DDX11: variants seen among roughly 807,000 people sequenced by gnomAD.
DDX11 encodes the protein ATP-dependent DNA helicase DDX11.
DDX11 carries 72 observed loss-of-function variants against 125.2 expected under a neutral mutation model. The observed-to-expected ratio is 0.58, with a 90% CI of 0.48 to 0.70. The LOEUF is 0.70. DDX11 is among the 30% of genes least tolerant of loss of function. DDX11 has a pLI of 0.00. For synonymous variants in DDX11, 347 were observed against 452.6 expected (o/e 0.77, Z 2.96); for missense variants, 883 against 1,165.0 (o/e 0.76, Z 3.52).
At position 31,101,032 on chromosome 12, in the gene DDX11, G is replaced by A. The variant is rs760250735; in HGVS notation, c.1954G>A (p.Val652Met). The change falls in exon 20 of 27, where the codon GTG becomes ATG. Residue 652 changes from valine (V) to methionine (M), a missense_variant. Coordinates refer to ENST00000542838, the MANE Select transcript of DDX11 (RefSeq NM_030653.4). ...ERVVEFSCGH[V>M]IPPDNILPLV... The stretch of plus-strand genomic sequence containing the variant: ...CCCTCCCTGGCTCTTACCAGGTCAC[G>A]TGATCCCTCCAGACAACATCCTGCC... 10 of 1,613,954 alleles carry A rather than the reference G, an allele frequency of 6.2e-6. No individual in the cohort carries two copies. Among genetic ancestry groups the A allele is most frequent in the Admixed American group, 3.3e-5 (2 of 60,028 alleles).
chr12:31,074,481 A>T (rs1461464996), intron 1 of DDX11, among the ~76,000 whole-genome samples: 2 of 152,182 alleles, frequency 1.3e-5, no homozygotes, highest in Non-Finnish European at 2.9e-5. Context: ...CCAGGGCGGG[A>T]ATCGAGGCGG....
Position 31,078,495 on chromosome 12 carries a change from G to C in DDX11, c.102G>C (p.Leu34Phe). Residue 34 changes from leucine (L) to phenylalanine (F), a missense_variant, in exon 2 of 27, where the codon TTG (leucine) becomes TTC (phenylalanine). Physicochemically the swap from Leu to Phe is conservative, Grantham distance 22. Around this residue, in one of 5 missense-constraint regions of DDX11, gnomAD observed 283 missense variants for 359.6 expected, o/e 0.79. Coordinates refer to ENST00000542838, the MANE Select transcript of DDX11 (RefSeq NM_030653.4). ...TCATGGCAGAGCTGTACCGGGTTTT[G>C]GAGGCTGGCAAGATTGGGATATTTG... ...EDFMAELYRV[L>F]EAGKIGIFES... 6.2e-7 allele frequency: 1 copy of C among 1,611,746 alleles called. No homozygotes were observed.
chr12:31,094,123 C>T (rs1446995776), intron 12 of DDX11, among the ~76,000 whole-genome samples: 1 of 152,220 alleles, frequency 6.6e-6, no homozygotes, highest in African/African-American at 2.4e-5. Context: ...TGTCACGTCC[C>T]CTTCTTTTAT....
intron 14 of DDX11, among the ~76,000 whole-genome samples, chr12:31,095,881 A>C (rs183527249): frequency 6.6e-6 from 1 of 151,962 alleles, no homozygotes. Flanking sequence ...AAAGGCTCCA[A>C]ACTCCTCATC....
intron 9 of DDX11, chr12:31,091,394 G>C (rs571594862): frequency 4.4e-5 from 12 of 272,016 alleles, no homozygotes; most frequent in South Asian, 3.6e-4. Flanking sequence ...CTGGTGCACC[G>C]ATGGTCTGCA....
intron 11 of DDX11, 50 bp from the exon 12 acceptor site, chr12:31,093,194 GC>G (rs1261563481): frequency 6.4e-7 from 1 of 1,557,104 alleles, no homozygotes; most frequent in African/African-American, 1.4e-5. Flanking sequence ...GGTGGGCGGG[GC>G]GAGTCGCCAT....
chr12:31,079,544 T>C (rs1367428235), intron 2 of DDX11, among the ~76,000 whole-genome samples: 13 of 146,174 alleles, frequency 8.9e-5, no homozygotes, highest in East Asian at 2.1e-4. Context: ...TGGTGTCTCT[T>C]TCTCTTTTAT....
At chr12:31,091,506 A>G in intron 9 of DDX11, 1 of 571,314 alleles carries the variant, frequency 1.8e-6, no homozygotes, top group Non-Finnish European at 3.1e-6. Flanking sequence ...TTTACTCAGG[A>G]GTCAGACCAG....
chr12:31,091,779 C>T lies in DDX11; in HGVS notation c.1150C>T (p.Arg384Trp), dbSNP rs372573378. The T allele has an allele frequency of 9.7e-5, 157 of 1,613,564 alleles. No individual in the cohort carries two copies. The highest frequency in any genetic ancestry group is 1.3e-4 in the Non-Finnish European group (148 of 1,179,738). Residue 384 changes from arginine (R) to tryptophan (W), a missense_variant, in exon 10 of 27, where the codon CGG becomes TGG. Physicochemically the swap from Arg to Trp is moderately radical, Grantham distance 101 (BLOSUM62 -3). Transcript: ENST00000542838. Reference protein sequence around the residue: ...HAATRQAAGIRLQDQVVIIDE... With the variant: ...HAATRQAAGIWLQDQVVIIDE... ...GGCCACTCGGCAGGCCGCGGGCATC[C>T]GGCTGCAGGACCAGGTGGTGATCAT...
intron 3 of DDX11, 46 bp downstream of exon 3, chr12:31,084,107 G>A: frequency 6.2e-7 from 1 of 1,609,170 alleles, no homozygotes; most frequent in South Asian, 1.1e-5. Context: ...AGGAAACAGG[G>A]CTTCAGCGAT....
intron 19 of DDX11, 81 bp downstream of exon 19, chr12:31,100,788 G>A (rs986184968): frequency 3.6e-5 from 54 of 1,506,854 alleles, no homozygotes; most frequent in African/African-American, 8.3e-5. Context: ...CTCATACTGC[G>A]ACCAGGCACA....
At chr12:31,100,564 G>C in intron 18 of DDX11, 71 bp from the exon 19 acceptor site, 1 of 1,404,828 alleles carries the variant, frequency 7.1e-7, no homozygotes. Flanking sequence ...TCTTAGCCCA[G>C]ACTTCTCGCT....
At chr12:31,092,281 A>G (rs1333345641) in intron 10 of DDX11, among the ~76,000 whole-genome samples, 2 of 152,052 alleles carry the variant, frequency 1.3e-5, no homozygotes, top group Non-Finnish European at 2.9e-5. Flanking sequence ...TGCGCCATGC[A>G]TGGCACCAGG....
intron 2 of DDX11, among the ~76,000 whole-genome samples, chr12:31,080,151 T>C (rs1427587160): frequency 2.7e-5 from 4 of 147,300 alleles, no homozygotes; most frequent in Admixed American, 6.8e-5. Context: ...GGCTCCTTTG[T>C]TGGGGGCCTC....
At position 31,096,986 on chromosome 12, in the gene DDX11, C is replaced by T. The variant is rs747726783; in HGVS notation, c.1758C>T (p.Arg586=). The T allele has an allele frequency of 2.5e-6, 4 of 1,613,584 alleles. No individual in the cohort carries two copies. In the Admixed American group the frequency reaches 6.7e-5, roughly 27 times the overall value. The change falls in exon 17 of 27, where the codon CGC becomes CGT. Residue 586 remains arginine (R), a synonymous_variant. Coordinates refer to ENST00000542838, the MANE Select transcript of DDX11 (RefSeq NM_030653.4). ...ANQDGRVILS[R]QGSLSQSTLK... is the part of the protein sequence containing the mutation. Reference sequence around the variant, plus strand: ...AGGACGGCAGGGTCATCCTGAGCCGCCAAGGTAATCAGGTGGTTCTTGGCC... The same window carrying T: ...AGGACGGCAGGGTCATCCTGAGCCGTCAAGGTAATCAGGTGGTTCTTGGCC...
Position 31,104,044 on chromosome 12 carries a change from C to T in DDX11, c.*208C>T, listed in dbSNP as rs1170659492. 1.3e-6 allele frequency: 2 copies of T among 1,548,688 alleles called. No homozygotes were observed. Among genetic ancestry groups the T allele is most frequent in the Non-Finnish European group, 1.7e-6 (2 of 1,145,678 alleles). On this transcript the variant is annotated 3_prime_UTR_variant, in exon 27 of 27. Coordinates refer to ENST00000542838, the MANE Select transcript of DDX11 (RefSeq NM_030653.4). ...GGGAATCCTGAATGAACAGTGGGTC[C>T]TGGCTGTCCTTGGGGCGTTCCAGGG...
chr12:31,097,667 G>A lies in DDX11; in HGVS notation c.1763-218G>A, dbSNP rs1485404658. Reference sequence around the variant, plus strand: ...TGCACTCCAGCCTGGGCAACAGATCGAGACTCCATCTCAAAAAAAAAAAAA... The same window carrying A: ...TGCACTCCAGCCTGGGCAACAGATCAAGACTCCATCTCAAAAAAAAAAAAA... On this transcript the variant is annotated intron_variant, in intron 17 of 26. Transcript: ENST00000542838. Among the ~76,000 whole-genome samples the A allele has an allele frequency of 1.3e-3, 168 of 127,730 alleles. 1 individual carries two copies. In the East Asian group the frequency reaches 0.017, roughly 13 times the overall value. The allele number at this position is 127,730 out of a possible 152,430, so 83.8% of individuals were successfully genotyped here. A position where few individuals can be genotyped will look rare whatever the true frequency, so the allele number is the denominator to read the frequency against.
At chr12:31,093,355 G>A in intron 12 of DDX11, 31 bp downstream of exon 12, 1 of 1,613,592 alleles carries the variant, frequency 6.2e-7, no homozygotes. Context: ...CTGACCCCGG[G>A]CCTGCAAAAC....
Position 31,103,016 on chromosome 12 carries a change from C to A in DDX11, c.2453C>A (p.Thr818Asn), listed in dbSNP as rs756752222. Residue 818 changes from threonine to asparagine, a missense_variant, in exon 24 of 27, where the codon ACC becomes AAC. This residue lies in a region of DDX11 where 285 missense variants were observed against 346.0 expected (regional missense o/e 0.82). Coordinates refer to ENST00000542838, the MANE Select transcript of DDX11 (RefSeq NM_030653.4). ...LQEKMAYLDQ[T>N]LPRAPGQAPP... is the part of the protein sequence containing the mutation. The stretch of plus-strand genomic sequence containing the variant: ...GAGAAGATGGCCTACTTGGATCAAA[C>A]CCTCGTGAGTGACCCCAGTGTCACA... The A allele has an allele frequency of 3.1e-6, 5 of 1,613,608 alleles. No individual in the cohort carries two copies. The African/African-American group carries it at 5.3e-5, about 17-fold the overall frequency.
Sources: gnomAD v4.1 joint callset for allele counts (sites outside exome capture counted in the v4.1 genomes callset) on GRCh38, gnomAD v4.1.1 for gene constraint, gnomAD v4.1.1 regional missense constraint, MANE v1.5 for transcripts, NCBI Gene and HGNC (gene_info 2026-07-23, HGNC 2026-07-21) for gene names.